Variants in SEMA5B observed in about 807,000 individuals in gnomAD.
The protein encoded by SEMA5B is semaphorin-5B.
Under a neutral mutation model 135.0 loss-of-function variants are expected in SEMA5B, and 66 were observed. The ratio of observed to expected loss-of-function variants is 0.49; its 90% CI spans 0.40 to 0.60. The LOEUF is 0.60. Ranked by LOEUF, SEMA5B falls within the 20% of genes least tolerant of loss-of-function variation. SEMA5B has a pLI of 0.00. For synonymous variants in SEMA5B, 690 were observed against 639.5 expected (o/e 1.08, Z -1.19); for missense variants, 1,501 against 1,566.3 (o/e 0.96, Z 0.70).
At chr3:123,023,119 C>T (rs141123906) in intron 1 of SEMA5B, among the ~76,000 whole-genome samples, 1 of 152,284 alleles carries the variant, frequency 6.6e-6, no homozygotes, top group East Asian at 1.9e-4. Context: ...GTGTTGTCCA[C>T]ACAAGCTATA....
intron 1 of SEMA5B, among the ~76,000 whole-genome samples, chr3:122,982,933 CTTT>C (rs2107686360): frequency 6.6e-6 from 1 of 152,338 alleles, no homozygotes; most frequent in Non-Finnish European, 1.5e-5. Flanking sequence ...GTCATTCTCT[CTTT>C]CGAGAGTCAC....
chr3:122,933,796 T>A (rs1939103012), intron 5 of SEMA5B, among the ~76,000 whole-genome samples: 1 of 152,156 alleles, frequency 6.6e-6, no homozygotes, highest in Non-Finnish European at 1.5e-5. Context: ...ATCCTTCAAT[T>A]CAATGTTTAT....
At chr3:122,932,081 A>G (rs568176008) in intron 5 of SEMA5B, among the ~76,000 whole-genome samples, 54 of 152,316 alleles carry the variant, frequency 3.5e-4, no homozygotes, top group African/African-American at 1.3e-3. Context: ...GTGAGAATCA[A>G]TGAAATATTC....
rs771089684 is a variant in SEMA5B at position 122,912,261 on chromosome 3, G to C, written c.2807C>G (p.Ser936Cys). 1 of 1,612,310 alleles carries C rather than the reference G, an allele frequency of 6.2e-7. No homozygotes were observed. Among genetic ancestry groups the C allele is most frequent in the Non-Finnish European group, 8.5e-7 (1 of 1,179,178 alleles). The part of the protein sequence containing the change: ...CGGGHYQRTR[S>C]CTSPAPSPGE... ...TGGGGAGGGTGCGGGGCTGGTGCAG[G>C]AACGGGTGCGTTGATAGTGACCCCC... The change falls in exon 19 of 23, where the codon TCC becomes TGC. Residue 936 changes from serine to cysteine, a missense_variant. Coordinates refer to ENST00000357599, the MANE Select transcript of SEMA5B (RefSeq NM_001031702.4).
intron 1 of SEMA5B, among the ~76,000 whole-genome samples, chr3:122,970,648 T>C (rs1429910659): frequency 6.6e-6 from 1 of 152,240 alleles, no homozygotes; most frequent in Non-Finnish European, 1.5e-5. Flanking sequence ...ATCTATTAAA[T>C]GGCAAATATT....
At chr3:122,959,539 C>T (rs1017427839) in intron 2 of SEMA5B, among the ~76,000 whole-genome samples, 2 of 151,970 alleles carry the variant, frequency 1.3e-5, no homozygotes, top group Non-Finnish European at 2.9e-5. Context: ...GGTCTTGCTC[C>T]TACAAACAGA....
At chr3:122,943,888 T>G (rs1397720098) in intron 3 of SEMA5B, among the ~76,000 whole-genome samples, 1 of 152,158 alleles carries the variant, frequency 6.6e-6, no homozygotes, top group African/African-American at 2.4e-5. Context: ...ATCCATCCAC[T>G]TTTTTCCCAC....
intron 5 of SEMA5B, among the ~76,000 whole-genome samples, chr3:122,932,737 A>G (rs1939044227): frequency 6.6e-6 from 1 of 152,040 alleles, no homozygotes; most frequent in South Asian, 2.1e-4. Context: ...TAGAGCCTGC[A>G]TTTGCTGTTG....
chr3:122,966,560 A>C (rs9876479), intron 1 of SEMA5B, among the ~76,000 whole-genome samples: 3 of 137,640 alleles, frequency 2.2e-5, no homozygotes, highest in African/African-American at 1.0e-4. Context: ...TATTATTATT[A>C]TTATTATTTT....
At chr3:122,923,290 A>C (rs1442376738) in intron 10 of SEMA5B, among the ~76,000 whole-genome samples, 1 of 152,180 alleles carries the variant, frequency 6.6e-6, no homozygotes, top group Non-Finnish European at 1.5e-5. Context: ...ACATTCCCAA[A>C]TTCCAGCCAG....
At chr3:122,979,211 G>A (rs1941439290) in intron 1 of SEMA5B, among the ~76,000 whole-genome samples, 1 of 152,216 alleles carries the variant, frequency 6.6e-6, no homozygotes, top group Admixed American at 6.5e-5. Context: ...CTCAGGACAA[G>A]ACAAGGTGAA....
At chr3:122,968,775 C>T (rs558409134) in intron 1 of SEMA5B, among the ~76,000 whole-genome samples, 1 of 152,216 alleles carries the variant, frequency 6.6e-6, no homozygotes, top group South Asian at 2.1e-4. Context: ...GGGTTTGGTA[C>T]CCATCACTGT....
At position 122,935,830 on chromosome 3, in the gene SEMA5B, A is replaced by C. The variant is rs145316955; in HGVS notation, c.474+3595T>G. Among the ~76,000 whole-genome samples the C allele has an allele frequency of 2.2e-4, 33 of 150,996 alleles. No individual in the cohort carries two copies. In the East Asian group the frequency reaches 3.5e-3, roughly 16 times the overall value. The stretch of plus-strand genomic sequence containing the variant: ...AGCCTCAGCCTCCTGAGTAGCTGGG[A>C]TTACAGGTACCCACCACCATGCCCA... On this transcript the variant is annotated intron_variant, in intron 5 of 22. Coordinates refer to ENST00000357599, the MANE Select transcript of SEMA5B (RefSeq NM_001031702.4).
At chr3:122,952,833 A>C (rs1030271824) in intron 2 of SEMA5B, among the ~76,000 whole-genome samples, 7 of 152,158 alleles carry the variant, frequency 4.6e-5, no homozygotes, top group African/African-American at 7.2e-5. Context: ...GAGTGAGCAC[A>C]GCTGCATCCC....
chr3:122,914,367 C>A (rs72968397), intron 14 of SEMA5B, among the ~76,000 whole-genome samples: 2,117 of 152,278 alleles, frequency 0.014, 48 homozygotes, highest in African/African-American at 0.047. Context: ...GGTCCCAATC[C>A]TTGCACTGTA....
chr3:123,018,744 C>T (rs1470688550), intron 1 of SEMA5B, among the ~76,000 whole-genome samples: 2 of 152,156 alleles, frequency 1.3e-5, no homozygotes, highest in African/African-American at 4.8e-5. Flanking sequence ...ATCTGATTTC[C>T]AGTAGAAGTC....
chr3:123,022,981 A>G (rs1400124005), intron 1 of SEMA5B, among the ~76,000 whole-genome samples: 3 of 152,234 alleles, frequency 2.0e-5, no homozygotes, highest in African/African-American at 4.8e-5. Context: ...AGAATGGCAT[A>G]CACGAAGATC....
intron 1 of SEMA5B, among the ~76,000 whole-genome samples, chr3:123,009,005 C>T (rs1942378079): frequency 6.6e-6 from 1 of 152,202 alleles, no homozygotes; most frequent in African/African-American, 2.4e-5. Context: ...GCAGAGGAAA[C>T]CCGAGCTTCC....
At chr3:122,923,897 G>A (rs1938498334) in intron 9 of SEMA5B, 145 bp from the exon 10 acceptor site, 11 of 899,422 alleles carry the variant, frequency 1.2e-5, no homozygotes, top group Non-Finnish European at 1.9e-5. Context: ...ATCTCAAAGG[G>A]AGGAGATGTG....
Sources: gnomAD v4.1 joint callset for allele counts (sites outside exome capture counted in the v4.1 genomes callset) on GRCh38, gnomAD v4.1.1 for gene constraint, MANE v1.5 for transcripts, NCBI Gene and HGNC (gene_info 2026-07-23, HGNC 2026-07-21) for gene names.